The following CPLX1 variants were observed in gnomAD, a reference collection of about 807,000 sequenced individuals.
The protein encoded by CPLX1 is complexin 1.
Under a neutral mutation model 15.6 loss-of-function variants are expected in CPLX1, and 6 were observed. The ratio of observed to expected loss-of-function variants is 0.39; its 90% CI spans 0.21 to 0.76. The LOEUF (loss-of-function observed/expected upper bound fraction) is 0.76. Ranked by LOEUF, CPLX1 falls within the 30% of genes least tolerant of loss-of-function variation. The pLI, the probability that CPLX1 is intolerant of heterozygous loss-of-function variation, is 0.43. For synonymous variants in CPLX1, 91 were observed against 75.2 expected (o/e 1.21, Z -1.08); for missense variants, 242 against 188.6 (o/e 1.28, Z -1.66).
intron 2 of CPLX1, among the ~76,000 whole-genome samples, chr4:821,904 G>T (rs561995882): frequency 6.6e-6 from 1 of 152,128 alleles, no homozygotes; most frequent in East Asian, 1.9e-4. Flanking sequence ...GACAGCCCCC[G>T]AATGGTCTTG....
At chr4:797,199 A>C (rs1746359526) in intron 2 of CPLX1, among the ~76,000 whole-genome samples, 1 of 152,204 alleles carries the variant, frequency 6.6e-6, no homozygotes, top group Admixed American at 6.5e-5. Context: ...TTCCCTTTGT[A>C]GTTGTCCATT....
intron 2 of CPLX1, among the ~76,000 whole-genome samples, chr4:798,272 CA>C (rs35668656): frequency 2.2e-3 from 168 of 75,480 alleles, no homozygotes; most frequent in Admixed American, 3.0e-3. Flanking sequence ...GACTCCGTCT[CA>C]AAAAAAAAAA....
Position 786,669 on chromosome 4 carries a change from C to T in CPLX1, c.237G>A (p.Glu79=), listed in dbSNP as rs528800252. The T allele has an allele frequency of 5.4e-5, 87 of 1,610,522 alleles. No homozygotes were observed. The South Asian group carries it at 8.5e-4, about 16-fold the overall frequency. ...KYGIKKKEER[E]AEAQAAMEAN... ...CCTCCATGGCGGCCTGGGCCTCGGC[C>T]TCGCGCTCCTCCTTCTTCTTGATGC... Residue 79 remains glutamate (E), a synonymous_variant, in exon 4 of 4, where the codon GAG becomes GAA. Coordinates refer to ENST00000304062, the MANE Select transcript of CPLX1 (RefSeq NM_006651.4).
At chr4:790,440 C>T (rs563849899) in intron 3 of CPLX1, among the ~76,000 whole-genome samples, 108 of 152,300 alleles carry the variant, frequency 7.1e-4, no homozygotes, top group African/African-American at 2.5e-3. Flanking sequence ...GAGGTGCTTA[C>T]GCTTCCCCCT....
At chr4:789,244 C>T (rs1746094016) in intron 3 of CPLX1, among the ~76,000 whole-genome samples, 1 of 152,146 alleles carries the variant, frequency 6.6e-6, no homozygotes, top group South Asian at 2.1e-4. Context: ...GACAAACGCC[C>T]AGGCACACCC....
chr4:818,368 C>T (rs1576997948), intron 2 of CPLX1, among the ~76,000 whole-genome samples: 3 of 152,266 alleles, frequency 2.0e-5, no homozygotes, highest in South Asian at 4.1e-4. Context: ...CCACGGGCCT[C>T]GACTGCCACC....
intron 2 of CPLX1, among the ~76,000 whole-genome samples, chr4:816,213 AT>A (rs34183163): frequency 0.11 from 12,723 of 114,966 alleles, 308 homozygotes; most frequent in Middle Eastern, 0.13. Flanking sequence ...TCTCCGTGAA[AT>A]TTTTTTTTTT....
At chr4:815,551 G>A (rs557569851) in intron 2 of CPLX1, among the ~76,000 whole-genome samples, 3 of 152,212 alleles carry the variant, frequency 2.0e-5, no homozygotes, top group East Asian at 1.9e-4. Flanking sequence ...TGTAAGCACC[G>A]AATGCTCTGG....
At chr4:824,463 C>T (rs1259630441) in intron 2 of CPLX1, 29 bp downstream of exon 2, 2 of 1,602,972 alleles carry the variant, frequency 1.2e-6, no homozygotes, top group Non-Finnish European at 1.7e-6. Context: ...TCCCCTCAGC[C>T]CCTCCCCACC....
intron 3 of CPLX1, among the ~76,000 whole-genome samples, chr4:789,839 CG>C (rs948865337): frequency 2.1e-3 from 319 of 152,324 alleles, no homozygotes; most frequent in African/African-American, 7.0e-3. Context: ...CCCAAGATGC[CG>C]GGGGGTGCCA....
intron 2 of CPLX1, among the ~76,000 whole-genome samples, chr4:816,422 GT>G (rs1350353684): frequency 1.3e-5 from 2 of 151,930 alleles, no homozygotes; most frequent in Non-Finnish European, 2.9e-5. Flanking sequence ...GTTTCACCAT[GT>G]TGGCCAGGCT....
intron 2 of CPLX1, among the ~76,000 whole-genome samples, chr4:810,478 C>T (rs952500758): frequency 6.6e-6 from 1 of 152,170 alleles, no homozygotes; most frequent in Non-Finnish European, 1.5e-5. Context: ...CCATTTTAAG[C>T]TCCCACTGGA....
chr4:809,199 C>T (rs1424508905), intron 2 of CPLX1, among the ~76,000 whole-genome samples: 2 of 152,274 alleles, frequency 1.3e-5, no homozygotes, highest in Non-Finnish European at 2.9e-5. Context: ...CTTGCGGTTG[C>T]TATTCTCAGG....
intron 2 of CPLX1, among the ~76,000 whole-genome samples, chr4:800,562 A>ATGTG (rs1469478238): frequency 1.6e-5 from 2 of 125,606 alleles, no homozygotes; most frequent in African/African-American, 2.8e-5. Flanking sequence ...ATATATAAAT[A>ATGTG]TATGTGTGTG....
chr4:800,751 AT>A (rs2152645193), intron 2 of CPLX1, among the ~76,000 whole-genome samples: 1 of 147,358 alleles, frequency 6.8e-6, no homozygotes, highest in African/African-American at 2.5e-5. Flanking sequence ...ATATATATAT[AT>A]ATACACACAC....
At chr4:809,348 G>C (rs552444794) in intron 2 of CPLX1, among the ~76,000 whole-genome samples, 1 of 152,328 alleles carries the variant, frequency 6.6e-6, no homozygotes, top group East Asian at 1.9e-4. Flanking sequence ...TTCTCCCCCA[G>C]AAAGGGGCCC....
chr4:793,750 G>A (rs1577471687), intron 2 of CPLX1, among the ~76,000 whole-genome samples: 1 of 152,200 alleles, frequency 6.6e-6, no homozygotes, highest in Non-Finnish European at 1.5e-5. Context: ...GCCCCCTCTC[G>A]AGGTGCTCCT....
rs564270592 is a variant in CPLX1 at position 788,256 on chromosome 4, G to T, written c.208-1558C>A. On this transcript the variant is annotated intron_variant, in intron 3 of 3. Coordinates refer to ENST00000304062, the MANE Select transcript of CPLX1 (RefSeq NM_006651.4). The stretch of plus-strand genomic sequence containing the variant: ...GCCCCTCCTTCCTCCCAAATGGAGG[G>T]GGGGCTGCCTGTGTGCTCCCCAACC... 2.1e-4 allele frequency: 210 copies of T among 985,254 alleles called. 2 individuals are homozygous for T. The South Asian group carries it at 9.2e-3, about 43-fold the overall frequency. 61.0% of individuals were successfully genotyped at this position (985,254 alleles called of 1,614,324 possible). A position where few individuals can be genotyped will look rare whatever the true frequency, so the allele number is the denominator to read the frequency against.
chr4:820,853 C>T (rs1352489289), intron 2 of CPLX1, among the ~76,000 whole-genome samples: 1 of 152,142 alleles, frequency 6.6e-6, no homozygotes, highest in Non-Finnish European at 1.5e-5. Context: ...CGGTGGCCCC[C>T]ACAAGCCCCT....
Sources: allele counts gnomAD v4.1 joint callset (sites outside exome capture counted in the v4.1 genomes callset), GRCh38; gene constraint gnomAD v4.1.1; transcripts MANE v1.5; gene names NCBI Gene and HGNC (gene_info 2026-07-23, HGNC 2026-07-21).